FBXW7: variants seen among roughly 807,000 people sequenced by gnomAD.
The protein encoded by FBXW7 is F-box and WD repeat domain containing 7, also known as F-box/WD repeat-containing protein 7.
A neutral mutation model predicts 86.3 loss-of-function variants in FBXW7; 11 were observed. The observed-to-expected ratio is 0.13, with a 90% confidence interval of 0.08 to 0.21. FBXW7 has a LOEUF of 0.21. Among genes scored for constraint, FBXW7 ranks in the 10% least tolerant of loss-of-function variants. The pLI is 1.00. For missense variants in FBXW7, 488 were observed against 847.4 expected, an observed-to-expected ratio of 0.58 and a Z score of 5.27; for synonymous variants, 313 against 297.9, an observed-to-expected ratio of 1.05 and a Z score of -0.52.
intron 2 of FBXW7, among the ~76,000 whole-genome samples, chr4:152,515,322 A>C (rs1007595928): frequency 6.6e-6 from 1 of 152,244 alleles, no homozygotes; most frequent in African/African-American, 2.4e-5. Flanking sequence ...TGATTGCCTG[A>C]AGCGAGGGTG....
At chr4:152,418,432 C>T (rs1738645359) in intron 2 of FBXW7, among the ~76,000 whole-genome samples, 1 of 151,968 alleles carries the variant, frequency 6.6e-6, no homozygotes, top group Non-Finnish European at 1.5e-5. Flanking sequence ...GTTTCTATTG[C>T]TGTTTGGGCT....
At chr4:152,492,902 T>A (rs1175737478) in intron 2 of FBXW7, among the ~76,000 whole-genome samples, 2 of 151,950 alleles carry the variant, frequency 1.3e-5, no homozygotes, top group Non-Finnish European at 2.9e-5. Context: ...TAAATGGCAT[T>A]ATTAAATAGG....
chr4:152,410,694 A>G (rs1737867100), intron 4 of FBXW7, among the ~76,000 whole-genome samples: 1 of 152,196 alleles, frequency 6.6e-6, no homozygotes, highest in Non-Finnish European at 1.5e-5. Context: ...AATGTAAGAA[A>G]TAAGCAAGTA....
chr4:152,429,430 G>A (rs1739688635), intron 2 of FBXW7, among the ~76,000 whole-genome samples: 1 of 152,110 alleles, frequency 6.6e-6, no homozygotes, highest in Admixed American at 6.6e-5. Flanking sequence ...ATGATTGAAG[G>A]AAAAGCAATG....
rs566825022 is a variant in FBXW7 at position 152,489,801 on chromosome 4, C to T, written c.-120+45140G>A. On this transcript the variant is annotated intron_variant, in intron 2 of 13. Coordinates refer to ENST00000281708, the MANE Select transcript of FBXW7 (RefSeq NM_001349798.2). ...AGCACTGTCTTTTATGCTTACTACC[C>T]TCCCCTCAATACCACCCCCATGCCT... Among the ~76,000 whole-genome samples, 5 of 152,122 alleles carry T rather than the reference C, an allele frequency of 3.3e-5. No homozygotes were observed. The South Asian group carries it at 8.3e-4, about 25-fold the overall frequency.
intron 4 of FBXW7, among the ~76,000 whole-genome samples, chr4:152,355,874 C>A (rs959759622): frequency 6.6e-6 from 1 of 152,044 alleles, no homozygotes; most frequent in East Asian, 1.9e-4. Flanking sequence ...ATCATTAACC[C>A]GTGAGCTCCT....
chr4:152,374,566 G>T (rs574488149), intron 4 of FBXW7, among the ~76,000 whole-genome samples: 2 of 152,110 alleles, frequency 1.3e-5, no homozygotes, highest in South Asian at 4.2e-4. Context: ...CAATGAATCA[G>T]CCATAGAAAT....
intron 2 of FBXW7, among the ~76,000 whole-genome samples, chr4:152,415,620 T>A (rs1037229653): frequency 6.6e-6 from 1 of 152,144 alleles, no homozygotes; most frequent in African/African-American, 2.4e-5. Flanking sequence ...ATTACTCCAC[T>A]GCTCAACACC....
chr4:152,507,506 C>T (rs533191676), intron 2 of FBXW7, among the ~76,000 whole-genome samples: 3 of 152,160 alleles, frequency 2.0e-5, no homozygotes, highest in Admixed American at 6.5e-5. Flanking sequence ...ATTAAACAGT[C>T]TGCTACAAAA....
intron 2 of FBXW7, among the ~76,000 whole-genome samples, chr4:152,479,523 G>T (rs2149666744): frequency 6.6e-6 from 1 of 152,136 alleles, no homozygotes; most frequent in East Asian, 1.9e-4. Context: ...CAGGACTCAT[G>T]GCCAGTTTTC....
intron 2 of FBXW7, among the ~76,000 whole-genome samples, chr4:152,468,811 AC>A (rs1318724975): frequency 6.6e-6 from 1 of 152,108 alleles, no homozygotes; most frequent in African/African-American, 2.4e-5. Context: ...CACAAAGACG[AC>A]TGCTTCCCTC....
chr4:152,534,928 CG>C lies in FBXW7; in HGVS notation c.-120+12del. 6.6e-6 allele frequency: 1 copy of C among 152,376 alleles called. No individual in the cohort carries two copies. Among genetic ancestry groups the C allele is most frequent in the Non-Finnish European group, 1.5e-5 (1 of 68,080 alleles). 9.4% of individuals were successfully genotyped at this position (152,376 alleles called of 1,614,324 possible). Reference sequence around the variant, plus strand: ...CTTTCTCCCCCTCAATTCCCTCTCCCGGGGCCACTCACACTTTTAGAAAAGA... The same window carrying C: ...CTTTCTCCCCCTCAATTCCCTCTCCCGGGCCACTCACACTTTTAGAAAAGA... On this transcript the variant is annotated intron_variant, in intron 2 of 13. Transcript: ENST00000281708.
At chr4:152,462,697 T>TA (rs1047217392) in intron 2 of FBXW7, among the ~76,000 whole-genome samples, 54 of 152,366 alleles carry the variant, frequency 3.5e-4, no homozygotes, top group Admixed American at 9.1e-4. Flanking sequence ...TTAAAACAGT[T>TA]AAAGTTTTTC....
At chr4:152,402,416 C>A (rs1022943190) in intron 4 of FBXW7, among the ~76,000 whole-genome samples, 2 of 152,096 alleles carry the variant, frequency 1.3e-5, no homozygotes, top group African/African-American at 4.8e-5. Context: ...ACCACAGTAA[C>A]AGAGATTTAG....
rs547185625 is a variant in FBXW7 at position 152,410,691 on chromosome 4, G to T, written c.501+612C>A. On this transcript the variant is annotated intron_variant, in intron 4 of 13. Transcript: ENST00000281708. ...GGCCTAAAATCACTGTAAAATGTAA[G>T]AAATAAGCAAGTAGGAGTAAGAGGA... 3.9e-4 allele frequency among the ~76,000 whole-genome samples: 59 copies of T among 152,242 alleles called. 1 individual carries two copies. In the South Asian group the frequency reaches 0.012, roughly 32 times the overall value.
At chr4:152,463,759 A>G (rs1013040076) in intron 2 of FBXW7, among the ~76,000 whole-genome samples, 2 of 152,210 alleles carry the variant, frequency 1.3e-5, no homozygotes, top group African/African-American at 4.8e-5. Context: ...TGAGTCATCA[A>G]ATTTGTGATA....
At chr4:152,474,674 A>G (rs1267400336) in intron 2 of FBXW7, among the ~76,000 whole-genome samples, 1 of 152,098 alleles carries the variant, frequency 6.6e-6, no homozygotes, top group Non-Finnish European at 1.5e-5. Context: ...ATTTCATCCC[A>G]TAACATTTTT....
intron 2 of FBXW7, among the ~76,000 whole-genome samples, chr4:152,501,152 A>G (rs1255089574): frequency 2.6e-5 from 4 of 152,230 alleles, no homozygotes; most frequent in Non-Finnish European, 5.9e-5. Flanking sequence ...GCATGGTAAA[A>G]TATTCAATAG....
intron 5 of FBXW7, among the ~76,000 whole-genome samples, chr4:152,347,739 A>C (rs901209758): frequency 6.6e-6 from 1 of 152,132 alleles, no homozygotes; most frequent in Non-Finnish European, 1.5e-5. Context: ...TTATACAATA[A>C]TTTAAATTTT....
Sources: allele counts gnomAD v4.1 joint callset (sites outside exome capture counted in the v4.1 genomes callset), GRCh38; gene constraint gnomAD v4.1.1; transcripts MANE v1.5; gene names NCBI Gene and HGNC (gene_info 2026-07-23, HGNC 2026-07-21).